SORCS1: variants seen among roughly 807,000 people sequenced by gnomAD.
SORCS1 encodes the protein sortilin related VPS10 domain containing receptor 1.
SORCS1 carries 60 observed loss-of-function variants against 146.1 expected under a neutral mutation model. The observed-to-expected ratio is 0.41, with a 90% CI of 0.33 to 0.51. The LOEUF (loss-of-function observed/expected upper bound fraction) is 0.51, where lower values mean the gene tolerates loss of function less well. Ranked by LOEUF, SORCS1 falls within the 20% of genes least tolerant of loss-of-function variation. The probability of loss-of-function intolerance (pLI) is 0.21; values close to 1 mark genes in which losing one functional copy is unlikely to be tolerated. For missense variants in SORCS1, 1,352 were observed against 1,487.6 expected (o/e 0.91, Z 1.50); for synonymous variants, 637 against 584.0 (o/e 1.09, Z -1.31).
chr10:107,177,931 A>G, the SORCS1 span, among the ~76,000 whole-genome samples: 1 of 152,170 alleles, frequency 6.6e-6, no homozygotes, highest in African/African-American at 2.4e-5. Flanking sequence ...GTTCTCACTT[A>G]TAAGTGGGAG....
chr10:106,782,833 A>G (rs115562770), intron 3 of SORCS1, among the ~76,000 whole-genome samples: 1,573 of 152,312 alleles, frequency 0.01, 25 homozygotes, highest in African/African-American at 0.035. Context: ...GGGTTGATCC[A>G]CAGGGCTGAG....
At chr10:106,921,103 C>T (rs1398360358) in intron 2 of SORCS1, among the ~76,000 whole-genome samples, 1 of 152,164 alleles carries the variant, frequency 6.6e-6, no homozygotes, top group African/African-American at 2.4e-5. Flanking sequence ...GGCATCAGAT[C>T]TCAATCTACA....
At chr10:106,945,929 G>C (rs1195581558) in intron 2 of SORCS1, among the ~76,000 whole-genome samples, 1 of 152,180 alleles carries the variant, frequency 6.6e-6, no homozygotes, top group South Asian at 2.1e-4. Flanking sequence ...TTCACATGGT[G>C]AGTTCTAAGA....
intron 1 of SORCS1, among the ~76,000 whole-genome samples, chr10:107,049,669 G>A (rs959527841): frequency 6.6e-5 from 10 of 152,102 alleles, no homozygotes; most frequent in Non-Finnish European, 1.5e-4. Flanking sequence ...TTTGGGCAAC[G>A]ATTAATTAAT....
chr10:106,855,154 T>C lies in SORCS1; in HGVS notation c.627-25481A>G, dbSNP rs1256851528. Among the ~76,000 whole-genome samples, 3 of 152,294 alleles carry C rather than the reference T, an allele frequency of 2.0e-5. No individual in the cohort carries two copies. In the East Asian group the frequency reaches 5.8e-4, roughly 29 times the overall value. On this transcript the variant is annotated intron_variant, in intron 2 of 25. Transcript: ENST00000263054. ...TTTGCAGGGTACAGAATTCTTGATG[T>C]TTTCCATTATTTTTTCCTCTCAGCA...
rs1019013771 is a variant in SORCS1, at chr10:106,821,699, A to G, written c.726+7875T>C. Among the ~76,000 whole-genome samples the G allele has an allele frequency of 9.9e-5, 15 of 152,266 alleles. No individual in the cohort carries two copies. The South Asian group carries it at 2.7e-3, about 27-fold the overall frequency. On this transcript the variant is annotated intron_variant, in intron 3 of 25. Transcript: ENST00000263054. ...CACTTTGGGAGGCCGAGGCGGGCGG[A>G]TCCCGAGGTCAGGAGATCAAGACCA... is the stretch of plus-strand genomic sequence containing the variant.
intron 17 of SORCS1, among the ~76,000 whole-genome samples, chr10:106,659,904 A>T (rs1227009025): frequency 6.6e-6 from 1 of 152,236 alleles, no homozygotes; most frequent in African/African-American, 2.4e-5. Flanking sequence ...TTCTTCAGAA[A>T]GTTGACTCTG....
intron 18 of SORCS1, among the ~76,000 whole-genome samples, chr10:106,638,319 G>A (rs1848850169): frequency 6.6e-6 from 1 of 151,676 alleles, no homozygotes; most frequent in South Asian, 2.1e-4. Context: ...TTTCCTTTAG[G>A]AATAAATCTC....
intron 4 of SORCS1, among the ~76,000 whole-genome samples, chr10:106,762,304 A>C (rs1361994582): frequency 1.3e-5 from 2 of 151,996 alleles, no homozygotes; most frequent in Non-Finnish European, 2.9e-5. Context: ...ATGTAAGCTT[A>C]TCTAAGTAAT....
rs530130531 is a variant in SORCS1 at position 107,009,296 on chromosome 10, G to A, written c.559-52716C>T. ...ATCAGGCTGTTTTTGTGTGTTGCAT[G>A]GAGTAGCACCATTTTCAATTACAGT... On this transcript the variant is annotated intron_variant, in intron 1 of 25. Transcript: ENST00000263054. Among the ~76,000 whole-genome samples the A allele has an allele frequency of 8.2e-4, 125 of 152,288 alleles. 1 individual carries two copies. The South Asian group carries it at 0.02, about 24-fold the overall frequency.
chr10:106,805,491 C>T (rs1033921230), intron 3 of SORCS1, among the ~76,000 whole-genome samples: 1 of 152,146 alleles, frequency 6.6e-6, no homozygotes, highest in Non-Finnish European at 1.5e-5. Context: ...GAAAGGACCT[C>T]ATGACATTTA....
intron 23 of SORCS1, among the ~76,000 whole-genome samples, chr10:106,604,530 G>C (rs2133365180): frequency 6.6e-6 from 1 of 152,230 alleles, no homozygotes; most frequent in Non-Finnish European, 1.5e-5. Flanking sequence ...TTGAGTCCTG[G>C]AATAGGCTGA....
At chr10:106,713,337 C>G (rs554776053) in intron 6 of SORCS1, among the ~76,000 whole-genome samples, 5 of 152,312 alleles carry the variant, frequency 3.3e-5, no homozygotes, top group Admixed American at 3.3e-4. Context: ...CTTCAAATTA[C>G]AAATACAATT....
chr10:106,843,589 G>A (rs894169789), intron 2 of SORCS1, among the ~76,000 whole-genome samples: 29 of 151,806 alleles, frequency 1.9e-4, no homozygotes, highest in African/African-American at 6.5e-4. Flanking sequence ...CTGCCACCAC[G>A]CCCAGCTTAT....
chr10:107,151,738 C>T (rs889567209), intron 1 of SORCS1, among the ~76,000 whole-genome samples: 2 of 152,084 alleles, frequency 1.3e-5, no homozygotes, highest in Non-Finnish European at 2.9e-5. Context: ...GGCATTTTGC[C>T]CCTGCCCTAG....
intron 1 of SORCS1, among the ~76,000 whole-genome samples, chr10:106,994,019 C>G (rs965361595): frequency 1.4e-5 from 2 of 141,978 alleles, no homozygotes; most frequent in Admixed American, 7.3e-5. Context: ...CAAGGTTGTG[C>G]CACTGCAGCA....
intron 2 of SORCS1, among the ~76,000 whole-genome samples, chr10:106,894,006 T>C (rs1461230515): frequency 1.3e-5 from 2 of 152,144 alleles, no homozygotes; most frequent in Non-Finnish European, 2.9e-5. Context: ...GCTCTCTCCC[T>C]GACATATGGA....
chr10:107,110,711 T>G (rs1246246743), intron 1 of SORCS1, among the ~76,000 whole-genome samples: 1 of 146,062 alleles, frequency 6.8e-6, no homozygotes, highest in South Asian at 2.1e-4. Context: ...TCATTGTGAC[T>G]TGGTTTTAGT....
chr10:107,128,819 T>G (rs962090316), intron 1 of SORCS1, among the ~76,000 whole-genome samples: 14 of 152,150 alleles, frequency 9.2e-5, no homozygotes, highest in African/African-American at 2.9e-4. Context: ...CCACTGCCCT[T>G]TAGCTATGAT....
Sources: gnomAD v4.1 joint callset for allele counts (sites outside exome capture counted in the v4.1 genomes callset) on GRCh38, gnomAD v4.1.1 for gene constraint, MANE v1.5 for transcripts, NCBI Gene and HGNC (gene_info 2026-07-23, HGNC 2026-07-21) for gene names.